The following SGCZ variants were observed in gnomAD, a reference collection of about 807,000 sequenced individuals.
SGCZ encodes zeta-sarcoglycan.
A neutral mutation model predicts 41.3 loss-of-function variants in SGCZ; 40 were observed. The ratio of observed to expected loss-of-function variants is 0.97; its 90% CI spans 0.75 to 1.26. The LOEUF (loss-of-function observed/expected upper bound fraction) is 1.26. Among genes scored for constraint, SGCZ ranks in the 50% most tolerant of loss-of-function variants. SGCZ has a pLI of 0.00. For synonymous variants in SGCZ, 206 were observed against 137.5 expected (o/e 1.50, Z -3.49); for missense variants, 552 against 369.8 (o/e 1.49, Z -4.04).
At chr8:14,286,950 A>G (rs1161066726) in intron 3 of SGCZ, among the ~76,000 whole-genome samples, 1 of 151,884 alleles carries the variant, frequency 6.6e-6, no homozygotes, top group Non-Finnish European at 1.5e-5. Flanking sequence ...ATAAATAAGC[A>G]TTTTCTTCAT....
intron 1 of SGCZ, among the ~76,000 whole-genome samples, chr8:14,872,190 GATAGCATTAGGAGAA>G (rs1804184022): frequency 6.6e-6 from 1 of 151,988 alleles, no homozygotes; most frequent in Non-Finnish European, 1.5e-5. Flanking sequence ...CTAGGGGAGG[GATAGCATTAGGAGAA>G]ATACCTAATG....
chr8:14,122,190 T>C (rs1802717711), intron 5 of SGCZ, among the ~76,000 whole-genome samples: 1 of 152,148 alleles, frequency 6.6e-6, no homozygotes. Flanking sequence ...GGCAGGAGAA[T>C]GGCGTGAACC....
chr8:14,737,147 A>G (rs1455463487), intron 1 of SGCZ, among the ~76,000 whole-genome samples: 1 of 149,086 alleles, frequency 6.7e-6, no homozygotes, highest in Non-Finnish European at 1.5e-5. Flanking sequence ...TATAAGATAT[A>G]TATATATCTA....
chr8:14,266,129 G>C (rs1799857196), intron 3 of SGCZ, among the ~76,000 whole-genome samples: 1 of 152,016 alleles, frequency 6.6e-6, no homozygotes, highest in East Asian at 1.9e-4. Flanking sequence ...AAAGATCAAA[G>C]ATGACCAAAC....
chr8:15,189,575 T>TC (rs1262311324), intron 1 of SGCZ, among the ~76,000 whole-genome samples: 1 of 151,840 alleles, frequency 6.6e-6, no homozygotes, highest in Non-Finnish European at 1.5e-5. Context: ...GCATTTTTTT[T>TC]TTTGAGATAG....
At chr8:14,286,205 C>G (rs1243650172) in intron 3 of SGCZ, among the ~76,000 whole-genome samples, 1 of 152,076 alleles carries the variant, frequency 6.6e-6, no homozygotes, top group East Asian at 1.9e-4. Context: ...TACCAAAGTG[C>G]TCTGCTAATT....
At chr8:15,082,216 G>A (rs550979076) in intron 1 of SGCZ, among the ~76,000 whole-genome samples, 162 of 151,828 alleles carry the variant, frequency 1.1e-3, no homozygotes, top group Non-Finnish European at 1.1e-3. Context: ...GCAACATAGC[G>A]AGACTCTGTC....
At chr8:14,579,293 AT>A (rs1182699183) in intron 1 of SGCZ, among the ~76,000 whole-genome samples, 2 of 152,220 alleles carry the variant, frequency 1.3e-5, no homozygotes, top group African/African-American at 4.8e-5. Flanking sequence ...ATGTTTAAGT[AT>A]TTATAAAATA....
At chr8:14,247,742 C>T (rs1015296982) in intron 3 of SGCZ, among the ~76,000 whole-genome samples, 2 of 152,148 alleles carry the variant, frequency 1.3e-5, no homozygotes, top group South Asian at 4.1e-4. Context: ...GGTAATGTTG[C>T]CCTCACACCA....
chr8:14,410,780 C>T (rs1328013014), intron 2 of SGCZ, among the ~76,000 whole-genome samples: 6 of 151,984 alleles, frequency 3.9e-5, no homozygotes, highest in Non-Finnish European at 8.8e-5. Context: ...GTAAAATATA[C>T]AAAAACCAAT....
chr8:14,194,030 T>C (rs1304022321), intron 4 of SGCZ, among the ~76,000 whole-genome samples: 2 of 151,766 alleles, frequency 1.3e-5, no homozygotes, highest in African/African-American at 2.4e-5. Context: ...AATAGTTTTT[T>C]TTAAATATAT....
Position 14,594,943 on chromosome 8 carries a change from C to T in SGCZ, c.40-40017G>A, listed in dbSNP as rs67116586. Among the ~76,000 whole-genome samples the T allele has an allele frequency of 1.0e-3, 153 of 151,858 alleles. 4 individuals are homozygous for T. Among genetic ancestry groups the T allele is most frequent in the African/African-American group, 3.5e-3 (145 of 41,298 alleles). ...TTTTGATAACTCAATAGAGACTTGG[C>T]AAGGAGAAAAGGAGAAATTTCCATA... On this transcript the variant is annotated intron_variant, in intron 1 of 7. Coordinates refer to ENST00000382080, the MANE Select transcript of SGCZ (RefSeq NM_139167.4).
intron 1 of SGCZ, among the ~76,000 whole-genome samples, chr8:14,616,737 A>G (rs1806118373): frequency 6.6e-6 from 1 of 152,158 alleles, no homozygotes; most frequent in African/African-American, 2.4e-5. Context: ...CCAGATCCCA[A>G]TTTAAAACCT....
At chr8:14,619,343 G>A (rs1806209501) in intron 1 of SGCZ, among the ~76,000 whole-genome samples, 1 of 152,048 alleles carries the variant, frequency 6.6e-6, no homozygotes, top group South Asian at 2.1e-4. Flanking sequence ...ATACTGAATG[G>A]GCAAAAACTG....
At chr8:14,973,765 G>A (rs527623167) in intron 1 of SGCZ, among the ~76,000 whole-genome samples, 3 of 152,104 alleles carry the variant, frequency 2.0e-5, no homozygotes, top group Admixed American at 6.6e-5. Context: ...AAGACGACAC[G>A]TTTTGGTAAC....
chr8:14,175,709 G>A (rs1804522185), intron 4 of SGCZ, among the ~76,000 whole-genome samples: 1 of 152,010 alleles, frequency 6.6e-6, no homozygotes, highest in African/African-American at 2.4e-5. Flanking sequence ...GGTAGAAAAG[G>A]AGATTAAATA....
intron 1 of SGCZ, among the ~76,000 whole-genome samples, chr8:14,866,791 C>T (rs887214020): frequency 6.6e-6 from 1 of 151,760 alleles, no homozygotes; most frequent in Non-Finnish European, 1.5e-5. Context: ...GAGACCCTGT[C>T]TCAAAAAGAA....
At chr8:14,767,279 G>A (rs1236483637) in intron 1 of SGCZ, among the ~76,000 whole-genome samples, 1 of 152,240 alleles carries the variant, frequency 6.6e-6, no homozygotes, top group East Asian at 1.9e-4. Flanking sequence ...GCCCAGAGTA[G>A]GTGACTGAAT....
At chr8:15,155,739 G>GA (rs1195822309) in intron 1 of SGCZ, among the ~76,000 whole-genome samples, 2 of 152,118 alleles carry the variant, frequency 1.3e-5, no homozygotes, top group Non-Finnish European at 2.9e-5. Context: ...CTGATTTGCA[G>GA]AAAAAATGTA....
Sources: allele counts gnomAD v4.1 joint callset (sites outside exome capture counted in the v4.1 genomes callset), GRCh38; gene constraint gnomAD v4.1.1; transcripts MANE v1.5; gene names NCBI Gene and HGNC (gene_info 2026-07-23, HGNC 2026-07-21).